Variants in TXNRD1 observed in about 807,000 individuals in gnomAD.
TXNRD1 encodes the protein thioredoxin reductase 1, cytoplasmic.
TXNRD1 carries 57 observed loss-of-function variants against 80.3 expected under a neutral mutation model. The ratio of observed to expected loss-of-function variants is 0.71; its 90% confidence interval spans 0.57 to 0.89. The LOEUF is 0.89. Ranked by LOEUF, TXNRD1 falls within the 40% of genes least tolerant of loss-of-function variation. The pLI, the probability that TXNRD1 is intolerant of heterozygous loss-of-function variation, is 0.00. For synonymous variants in TXNRD1, 291 were observed against 285.2 expected, an observed-to-expected ratio of 1.02 and a Z score of -0.20; for missense variants, 730 against 803.0, an observed-to-expected ratio of 0.91 and a Z score of 1.10.
intron 7 of TXNRD1, 22 bp downstream of exon 7, chr12:104,315,918 C>G (rs374891822): frequency 3.1e-6 from 5 of 1,599,420 alleles, no homozygotes; most frequent in Non-Finnish European, 4.3e-6. Flanking sequence ...AAAAGCTACT[C>G]TTCTGTTTGT....
At chr12:104,311,248 A>G in intron 4 of TXNRD1, 42 bp from the exon 5 acceptor site, 1 of 1,522,134 alleles carries the variant, frequency 6.6e-7, no homozygotes, top group East Asian at 2.4e-5. Flanking sequence ...GACATTGCTG[A>G]TTTTAAGTTA....
chr12:104,306,743 A>G (rs1472979114), intron 4 of TXNRD1, among the ~76,000 whole-genome samples: 2 of 152,218 alleles, frequency 1.3e-5, no homozygotes, highest in South Asian at 2.1e-4. Flanking sequence ...GCTAGTGTCT[A>G]GTATCCTTTG....
chr12:104,287,180 G>A, intron 3 of TXNRD1: 1 of 1,570,200 alleles, frequency 6.4e-7, no homozygotes, highest in South Asian at 1.1e-5. Context: ...GGGACGGCCT[G>A]CCGGCGGGGA....
intron 15 of TXNRD1, among the ~76,000 whole-genome samples, chr12:104,337,799 T>G (rs2036188386): frequency 6.6e-6 from 1 of 151,864 alleles, no homozygotes; most frequent in African/African-American, 2.4e-5. Flanking sequence ...TGTATTTTAT[T>G]TTTTAGAGAC....
chr12:104,290,488 T>C (rs962909811), intron 4 of TXNRD1, among the ~76,000 whole-genome samples: 2 of 150,822 alleles, frequency 1.3e-5, no homozygotes, highest in African/African-American at 2.4e-5. Context: ...AGCTCAGGAG[T>C]TCCAGATCAG....
Position 104,348,712 on chromosome 12 carries a change from A to G in TXNRD1, c.*291A>G, listed in dbSNP as rs1380490116. 1 of 371,200 alleles carries G rather than the reference A, an allele frequency of 2.7e-6. No individual in the cohort carries two copies. The highest frequency in any genetic ancestry group is 4.3e-5 in the Admixed American group (1 of 23,358). 23.0% of individuals were successfully genotyped at this position (371,200 alleles called of 1,614,324 possible). On this transcript the variant is annotated 3_prime_UTR_variant, in exon 17 of 17. Coordinates refer to ENST00000525566, the MANE Select transcript of TXNRD1 (RefSeq NM_001093771.3). Reference sequence around the variant, plus strand: ...CCATGTGGTAGGCGGTGATGGAACAACTGTCAAATCAGTTTTAGCATGACC... The same window carrying G: ...CCATGTGGTAGGCGGTGATGGAACAGCTGTCAAATCAGTTTTAGCATGACC...
At chr12:104,277,978 T>G (rs1252277842) in intron 3 of TXNRD1, among the ~76,000 whole-genome samples, 2 of 148,274 alleles carry the variant, frequency 1.3e-5, no homozygotes, top group Non-Finnish European at 3.0e-5. Context: ...CCGGGTTCAC[T>G]CCATTCTCCT....
chr12:104,326,434 A>T lies in TXNRD1; in HGVS notation c.1385+11A>T. 1.4e-6 allele frequency: 2 copies of T among 1,479,386 alleles called. No homozygotes were observed. The highest frequency in any genetic ancestry group is 1.8e-6 in the Non-Finnish European group (2 of 1,099,730). 91.6% of individuals were successfully genotyped at this position (1,479,386 alleles called of 1,614,324 possible). ...GAAGATAAATGAAAAGTAAGAAAAA[A>T]ATCTTTATTATGTCATATTTGTGGG... is the stretch of plus-strand genomic sequence containing the variant. On this transcript the variant is annotated intron_variant, in intron 12 of 16. Transcript: ENST00000525566.
At chr12:104,258,904 T>G (rs1052105516) in intron 3 of TXNRD1, among the ~76,000 whole-genome samples, 4 of 152,142 alleles carry the variant, frequency 2.6e-5, no homozygotes, top group African/African-American at 9.7e-5. Context: ...CACTCTAGCC[T>G]GGATTACTGA....
chr12:104,334,938 C>T (rs1337330948), intron 15 of TXNRD1, among the ~76,000 whole-genome samples: 1 of 152,120 alleles, frequency 6.6e-6, no homozygotes. Flanking sequence ...CATCGACTAT[C>T]TAAATATAAT....
intron 1 of TXNRD1, among the ~76,000 whole-genome samples, chr12:104,221,339 C>T (rs547250482): frequency 4.6e-5 from 7 of 151,262 alleles, no homozygotes; most frequent in South Asian, 2.1e-4. Context: ...TATTTTGAGA[C>T]GGAGTTTCAC....
chr12:104,223,735 A>C (rs1383676887), intron 1 of TXNRD1, among the ~76,000 whole-genome samples: 1 of 152,224 alleles, frequency 6.6e-6, no homozygotes, highest in Non-Finnish European at 1.5e-5. Flanking sequence ...AAAAAGTGGT[A>C]AAAGCTCTTG....
At chr12:104,218,446 G>A (rs1352378688) in intron 1 of TXNRD1, among the ~76,000 whole-genome samples, 1 of 151,974 alleles carries the variant, frequency 6.6e-6, no homozygotes, top group South Asian at 2.1e-4. Context: ...AGTACCCCAG[G>A]AGCCCCTCTA....
At chr12:104,278,927 ATATCTGCAT>A (rs1222098038) in intron 3 of TXNRD1, among the ~76,000 whole-genome samples, 1 of 152,222 alleles carries the variant, frequency 6.6e-6, no homozygotes, top group Non-Finnish European at 1.5e-5. Flanking sequence ...TAACTAAGTA[ATATCTGCAT>A]TTTTACAGAT....
chr12:104,302,274 T>C (rs2034656859), intron 4 of TXNRD1, among the ~76,000 whole-genome samples: 1 of 152,192 alleles, frequency 6.6e-6, no homozygotes, highest in Admixed American at 6.5e-5. Context: ...CAAAAAACTT[T>C]CTGCTAATGC....
At chr12:104,265,080 C>T (rs890545380) in intron 3 of TXNRD1, among the ~76,000 whole-genome samples, 2 of 151,924 alleles carry the variant, frequency 1.3e-5, no homozygotes, top group African/African-American at 2.4e-5. Flanking sequence ...GGTGAAACCC[C>T]GTCTCTACTA....
intron 4 of TXNRD1, chr12:104,303,739 A>T: frequency 1.1e-6 from 1 of 916,406 alleles, no homozygotes; most frequent in African/African-American, 1.7e-5. Context: ...GCTAGTGCGC[A>T]TGGGCGGGCG....
chr12:104,319,523 T>G lies in TXNRD1; in HGVS notation c.927T>G (p.Ile309Met). The change falls in exon 9 of 17, where the codon ATT (isoleucine) becomes ATG (methionine). Residue 309 changes from isoleucine to methionine, a missense_variant. Coordinates refer to ENST00000525566, the MANE Select transcript of TXNRD1 (RefSeq NM_001093771.3). ...EKIYSAERFLIATGERPRYLG... is the reference protein window; with the variant it reads ...EKIYSAERFLMATGERPRYLG... ...TTTATTCAGCAGAGAGATTTCTCAT[T>G]GCCACTGGTGAAAGACCACGTTACT... The G allele has an allele frequency of 6.2e-7, 1 of 1,604,880 alleles. No homozygotes were observed. Among genetic ancestry groups the G allele is most frequent in the Non-Finnish European group, 8.5e-7 (1 of 1,175,518 alleles).
chr12:104,254,777 C>A (rs1051202709), intron 2 of TXNRD1, among the ~76,000 whole-genome samples: 3 of 142,170 alleles, frequency 2.1e-5, no homozygotes, highest in Non-Finnish European at 4.7e-5. Context: ...TACCACTGCA[C>A]GCCAGCCTTG....
Sources: gnomAD v4.1 joint callset for allele counts (sites outside exome capture counted in the v4.1 genomes callset) on GRCh38, gnomAD v4.1.1 for gene constraint, MANE v1.5 for transcripts, NCBI Gene and HGNC (gene_info 2026-07-23, HGNC 2026-07-21) for gene names.